The following EPHA10 variants were observed in gnomAD, a reference collection of about 807,000 sequenced individuals.
The protein encoded by EPHA10 is ephrin type-A receptor 10.
Under a neutral mutation model 109.7 loss-of-function variants are expected in EPHA10, and 120 were observed. The observed-to-expected ratio is 1.09, with a 90% CI of 0.94 to 1.27. EPHA10 has a LOEUF of 1.27. Among genes scored for constraint, EPHA10 ranks in the 50% most tolerant of loss-of-function variants. The pLI, the probability that EPHA10 is intolerant of heterozygous loss-of-function variation, is 0.00. For synonymous variants in EPHA10, 640 were observed against 618.9 expected, an observed-to-expected ratio of 1.03 and a Z score of -0.51; for missense variants, 1,396 against 1,411.1, an observed-to-expected ratio of 0.99 and a Z score of 0.17.
intron 11 of EPHA10, among the ~76,000 whole-genome samples, chr1:37,721,255 T>TA (rs71732142): frequency 0.021 from 2,333 of 113,450 alleles, 43 homozygotes; most frequent in African/African-American, 0.055. Context: ...CCGTCTCTAC[T>TA]AAAAAAAAAA....
chr1:37,762,278 A>C (rs1029741438), intron 2 of EPHA10, among the ~76,000 whole-genome samples, 195 bp from the exon 3 acceptor site: 1 of 152,204 alleles, frequency 6.6e-6, no homozygotes, highest in African/African-American at 2.4e-5. Context: ...GAGGCTCCAG[A>C]GGGAGAGCGA....
At chr1:37,761,282 G>C (rs1646427225) in intron 3 of EPHA10, 123 bp downstream of exon 3, 5 of 1,520,658 alleles carry the variant, frequency 3.3e-6, no homozygotes, top group Non-Finnish European at 4.4e-6. Context: ...TTGGGCTCCA[G>C]AGTCCAAGGC....
At chr1:37,728,310 C>T (rs542760577) in intron 7 of EPHA10, among the ~76,000 whole-genome samples, 1 of 152,280 alleles carries the variant, frequency 6.6e-6, no homozygotes, top group East Asian at 1.9e-4. Flanking sequence ...GGAGTATAAA[C>T]TTTCTCCTGT....
At position 37,744,235 on chromosome 1, in the gene EPHA10, C is replaced by T. The variant is rs796725998; in HGVS notation, c.1357+8641G>A. ...TTCATCAAAATTAAAAGCTTTTGGCCGGGCACAGTGGTTCACTCCTGTAAT... is the reference window on the plus strand; with the variant it reads ...TTCATCAAAATTAAAAGCTTTTGGCTGGGCACAGTGGTTCACTCCTGTAAT... On this transcript the variant is annotated intron_variant, in intron 5 of 16. Coordinates refer to ENST00000373048, the MANE Select transcript of EPHA10 (RefSeq NM_001099439.2). Among the ~76,000 whole-genome samples, 14 of 151,902 alleles carry T rather than the reference C, an allele frequency of 9.2e-5. No individual in the cohort carries two copies. The East Asian group carries it at 2.1e-3, about 23-fold the overall frequency.
chr1:37,725,664 G>A (rs559488490), intron 8 of EPHA10, among the ~76,000 whole-genome samples: 4 of 152,160 alleles, frequency 2.6e-5, no homozygotes, highest in Admixed American at 6.5e-5. Context: ...GTCACCCAGG[G>A]TGGTGACAGG....
Position 37,720,478 on chromosome 1 carries a change from G to A in EPHA10, c.2285C>T (p.Ser762Leu), listed in dbSNP as rs369517232. The A allele has an allele frequency of 2.5e-6, 4 of 1,613,434 alleles. No individual in the cohort carries two copies. The highest frequency in any genetic ancestry group is 3.4e-6 in the Non-Finnish European group (4 of 1,180,014). The part of the protein sequence containing the change: ...PGLASAMKYL[S>L]EMGYVHRGLA... ...GCCCCGGTGAACGTAGCCCATCTCT[G>A]ACAGATACTTCATGGCTGATGCCAG... Residue 762 changes from serine (S) to leucine (L), a missense_variant, in exon 13 of 17, where the codon TCA (serine) becomes TTA (leucine). Physicochemically the swap from Ser to Leu is moderately radical, Grantham distance 145. Transcript: ENST00000373048.
At chr1:37,742,146 A>G (rs1646164605) in intron 5 of EPHA10, among the ~76,000 whole-genome samples, 1 of 152,216 alleles carries the variant, frequency 6.6e-6, no homozygotes. Context: ...AACTAACACC[A>G]AGCACCGGCT....
chr1:37,727,318 G>A (rs1471097094), intron 7 of EPHA10, 108 bp from the exon 8 acceptor site: 2 of 819,620 alleles, frequency 2.4e-6, no homozygotes, highest in Admixed American at 7.2e-5. Context: ...TAGCACCTCT[G>A]CACTTGGCAC....
intron 5 of EPHA10, chr1:37,738,010 G>C (rs1028558410): frequency 8.1e-6 from 1 of 123,180 alleles, no homozygotes; most frequent in Non-Finnish European, 1.6e-5. Context: ...ATCTATAACT[G>C]GTTGTGATCA....
chr1:37,720,746 G>A, intron 12 of EPHA10, 37 bp downstream of exon 12: 1 of 1,611,424 alleles, frequency 6.2e-7, no homozygotes, highest in Non-Finnish European at 8.5e-7. Context: ...CCGCTTTACA[G>A]AATAAAGTGG....
At position 37,754,154 on chromosome 1, in the gene EPHA10, C is replaced by T; in HGVS notation, c.1006+61G>A. 1 of 1,254,872 alleles carries T rather than the reference C, an allele frequency of 8.0e-7. No homozygotes were observed. The highest frequency in any genetic ancestry group is 3.6e-5 in the South Asian group (1 of 27,692). The allele number at this position is 1,254,872 out of a possible 1,614,324, so 77.7% of individuals were successfully genotyped here. ...GCCCTCACCACCACCTGGATCAGGC[C>T]TTCCTTCTTGGCCACTCCCACCCCC... On this transcript the variant is annotated intron_variant, in intron 4 of 16. Transcript: ENST00000373048. The surrounding 1 kb of genome is among the most constrained non-coding windows in gnomAD (Gnocchi z 4.5).
intron 2 of EPHA10, 98 bp downstream of exon 2, chr1:37,762,687 G>A: frequency 9.0e-7 from 1 of 1,109,616 alleles, no homozygotes; most frequent in Non-Finnish European, 1.2e-6. Context: ...CACACTCTGA[G>A]GAGCACTTTT....
Position 37,727,123 on chromosome 1 carries a change from C to A in EPHA10, c.1751G>T (p.Ser584Ile). 7 of 1,612,168 alleles carry A rather than the reference C, an allele frequency of 4.3e-6. No individual in the cohort carries two copies. The highest frequency in any genetic ancestry group is 5.9e-6 in the Non-Finnish European group (7 of 1,179,018). ...SALLVLGSVM[S>I]VLAIWRRPCS... ...CTACCTCCTCCAAATGGCCAGCACA[C>A]TCATCACGGAGCCCAGGACGAGGAG... Residue 584 changes from serine to isoleucine, a missense_variant, in exon 8 of 17, where the codon AGT (serine) becomes ATT (isoleucine). Physicochemically the swap from Ser to Ile is moderately radical, Grantham distance 142 (BLOSUM62 -2). Coordinates refer to ENST00000373048, the MANE Select transcript of EPHA10 (RefSeq NM_001099439.2).
At chr1:37,734,633 G>T (rs1329124478) in intron 6 of EPHA10, 2 of 455,966 alleles carry the variant, frequency 4.4e-6, no homozygotes, top group Admixed American at 4.7e-5. Flanking sequence ...CAGCTAAGCT[G>T]CAACCACAGA....
intron 3 of EPHA10, chr1:37,761,115 C>A: frequency 8.4e-7 from 1 of 1,185,120 alleles, no homozygotes; most frequent in Non-Finnish European, 1.1e-6. Flanking sequence ...CAATGACTTC[C>A]TTTATTGCCA....
At chr1:37,760,237 A>G (rs908571108) in intron 3 of EPHA10, 4 of 1,010,380 alleles carry the variant, frequency 4.0e-6, no homozygotes, top group Non-Finnish European at 4.8e-6. Flanking sequence ...TGTCTGACTC[A>G]TTTCTGTTGC....
Position 37,720,832 on chromosome 1 carries a change from A to G in EPHA10, c.2159T>C (p.Met720Thr). The change falls in exon 12 of 17, where the codon ATG becomes ACG. Residue 720 changes from methionine to threonine, a missense_variant. Transcript: ENST00000373048. ...ATGGCTCATGTACTCGGTGACAATC[A>G]TCAAGGTGCTTCCTGTGCCCAGGGA... ...EGVVTRGSTL[M>T]IVTEYMSHGA... 6.2e-7 allele frequency: 1 copy of G among 1,614,134 alleles called. No individual in the cohort carries two copies. The highest frequency in any genetic ancestry group is 1.1e-5 in the South Asian group (1 of 91,088).
rs1442071068 is a variant in EPHA10, at chr1:37,761,620, C to T, written c.635G>A (p.Arg212His). 2 of 1,603,856 alleles carry T rather than the reference C, an allele frequency of 1.2e-6. No individual in the cohort carries two copies. Among genetic ancestry groups the T allele is most frequent in the African/African-American group, 1.3e-5 (1 of 75,036 alleles). ...CGTGGCCAGGCCCCGCACGGTGGCG[C>T]GGCACTGCTTGTAGTAGACGCGCAC... is the stretch of plus-strand genomic sequence containing the variant. ...VSVRVYYKQC[R>H]ATVRGLATFP... The change falls in exon 3 of 17, where the codon CGC (arginine) becomes CAC (histidine). Residue 212 changes from arginine to histidine, a missense_variant. Arg to His is a conservative substitution (Grantham distance 29). Coordinates refer to ENST00000373048, the MANE Select transcript of EPHA10 (RefSeq NM_001099439.2).
chr1:37,729,830 GCCACTA>G (rs1645952211), intron 7 of EPHA10, among the ~76,000 whole-genome samples: 1 of 151,392 alleles, frequency 6.6e-6, no homozygotes, highest in East Asian at 1.9e-4. Flanking sequence ...CTGTGATTGT[GCCACTA>G]CACTCCAGCC....
Sources: gnomAD v4.1 joint callset for allele counts (sites outside exome capture counted in the v4.1 genomes callset) on GRCh38, gnomAD v4.1.1 for gene constraint, Gnocchi (gnomAD v3.1) non-coding constraint, MANE v1.5 for transcripts, NCBI Gene and HGNC (gene_info 2026-07-23, HGNC 2026-07-21) for gene names.